The following DLGAP2 variants were observed in gnomAD, a reference collection of about 807,000 sequenced individuals.
The protein encoded by DLGAP2 is DLG associated protein 2.
Under a neutral mutation model 100.3 loss-of-function variants are expected in DLGAP2, and 26 were observed. The ratio of observed to expected loss-of-function variants is 0.26; its 90% confidence interval spans 0.19 to 0.36. DLGAP2 has a LOEUF of 0.36. Ranked by LOEUF, DLGAP2 falls within the 10% of genes least tolerant of loss-of-function variation. DLGAP2 has a pLI of 1.00. For missense variants in DLGAP2, 1,858 were observed against 1,453.2 expected (o/e 1.28, Z -4.53); for synonymous variants, 886 against 630.1 (o/e 1.41, Z -6.08).
At chr8:1,418,908 G>T (rs1344372684) in intron 3 of DLGAP2, among the ~76,000 whole-genome samples, 2 of 152,214 alleles carry the variant, frequency 1.3e-5, no homozygotes, top group African/African-American at 4.8e-5. Context: ...CTCCAGTTCA[G>T]TGATTTGCTT....
intron 2 of DLGAP2, among the ~76,000 whole-genome samples, chr8:1,213,010 GT>G (rs1418013790): frequency 6.6e-6 from 1 of 151,938 alleles, no homozygotes; most frequent in Non-Finnish European, 1.5e-5. Flanking sequence ...AGATTTTCTT[GT>G]TAAATTCTGT....
chr8:1,075,149 G>A (rs999936591), intron 2 of DLGAP2, among the ~76,000 whole-genome samples: 1 of 152,324 alleles, frequency 6.6e-6, no homozygotes. Flanking sequence ...CACCACTTGG[G>A]GCTGAGACAA....
In DLGAP2 at chr8:1,040,316, G is replaced by A. The variant is rs1308501774; in HGVS notation, c.73+132350G>A. Among the ~76,000 whole-genome samples, 203 of 132,588 alleles carry A rather than the reference G, an allele frequency of 1.5e-3. 3 individuals are homozygous for A. The highest frequency in any genetic ancestry group is 5.4e-3 in the Middle Eastern group (1 of 184). 87.0% of individuals were successfully genotyped at this position (132,588 alleles called of 152,430 possible). The stretch of plus-strand genomic sequence containing the variant: ...CGTGGTCAGCTCGGTGTGCATGGTC[G>A]GCTCAGTGTGCGTGGTCAGCTCGGT... On this transcript the variant is annotated intron_variant, in intron 2 of 14. Coordinates refer to ENST00000637795, the MANE Select transcript of DLGAP2 (RefSeq NM_001346810.2).
chr8:893,873 C>T (rs531812796), intron 1 of DLGAP2, among the ~76,000 whole-genome samples: 5 of 152,338 alleles, frequency 3.3e-5, no homozygotes, highest in East Asian at 1.9e-4. Context: ...TGTGACAATG[C>T]GGATGTGGTT....
chr8:754,768 G>C (rs1820881808), intron 1 of DLGAP2, among the ~76,000 whole-genome samples: 1 of 152,210 alleles, frequency 6.6e-6, no homozygotes, highest in African/African-American at 2.4e-5. Flanking sequence ...CTTGAGTCCA[G>C]GAGTCTGAGG....
At chr8:1,132,863 A>G (rs954708734) in intron 2 of DLGAP2, among the ~76,000 whole-genome samples, 3 of 152,230 alleles carry the variant, frequency 2.0e-5, no homozygotes, top group Non-Finnish European at 4.4e-5. Flanking sequence ...AGATCTTCTC[A>G]TTTGCAACTG....
chr8:1,593,249 T>C (rs1175751670), intron 6 of DLGAP2, among the ~76,000 whole-genome samples: 1 of 151,894 alleles, frequency 6.6e-6, no homozygotes, highest in Non-Finnish European at 1.5e-5. Context: ...GGTCAGGAGA[T>C]TGAGACCATC....
chr8:1,487,764 G>C (rs559855328), intron 3 of DLGAP2, among the ~76,000 whole-genome samples: 1 of 152,166 alleles, frequency 6.6e-6, no homozygotes, highest in African/African-American at 2.4e-5. Flanking sequence ...ACACAGCACC[G>C]ATTCTCAGGT....
chr8:1,350,140 A>G (rs997389575), intron 3 of DLGAP2, among the ~76,000 whole-genome samples: 5 of 152,190 alleles, frequency 3.3e-5, no homozygotes, highest in Non-Finnish European at 7.3e-5. Flanking sequence ...AGGAAGAAAT[A>G]AAAACATCCC....
intron 4 of DLGAP2, 117 bp from the exon 5 acceptor site, chr8:1,548,509 C>T (rs906423676): frequency 1.5e-6 from 1 of 689,150 alleles, no homozygotes; most frequent in Non-Finnish European, 2.1e-6. Context: ...CTCTCGAGTG[C>T]CCAGGCCAGA....
chr8:746,146 G>A (rs1014264381), intron 1 of DLGAP2, among the ~76,000 whole-genome samples: 8 of 152,190 alleles, frequency 5.3e-5, no homozygotes, highest in African/African-American at 1.9e-4. Flanking sequence ...TCCCACATGT[G>A]GAGCTTCTCA....
intron 2 of DLGAP2, among the ~76,000 whole-genome samples, chr8:1,223,313 A>G (rs867614553): frequency 2.6e-5 from 4 of 152,140 alleles, no homozygotes; most frequent in African/African-American, 7.2e-5. Context: ...GTGCAGGTCT[A>G]TGCCATGGGC....
At chr8:1,117,860 G>A (rs1390141398) in intron 2 of DLGAP2, among the ~76,000 whole-genome samples, 1 of 152,080 alleles carries the variant, frequency 6.6e-6, no homozygotes, top group Non-Finnish European at 1.5e-5. Context: ...TCACAGTTAG[G>A]CTTTTGAAAG....
At chr8:965,664 C>A in intron 2 of DLGAP2, among the ~76,000 whole-genome samples, 1 of 145,350 alleles carries the variant, frequency 6.9e-6, no homozygotes, top group South Asian at 2.2e-4. Context: ...TGAGTCTGAC[C>A]CCGCACTGCA....
At chr8:1,193,320 C>A (rs1373504627) in intron 2 of DLGAP2, among the ~76,000 whole-genome samples, 1 of 152,208 alleles carries the variant, frequency 6.6e-6, no homozygotes, top group African/African-American at 2.4e-5. Context: ...TTCTCCACAT[C>A]CTCTCCAGCA....
intron 5 of DLGAP2, among the ~76,000 whole-genome samples, chr8:1,552,338 C>T (rs1801798221): frequency 6.6e-6 from 1 of 152,226 alleles, no homozygotes; most frequent in African/African-American, 2.4e-5. Context: ...CCACATCCGC[C>T]TCCCAGTGAA....
At chr8:947,570 C>T (rs1431734171) in intron 2 of DLGAP2, among the ~76,000 whole-genome samples, 3 of 152,166 alleles carry the variant, frequency 2.0e-5, no homozygotes, top group Non-Finnish European at 4.4e-5. Context: ...CCGGGCCCCT[C>T]GGTGTGCCTG....
At chr8:874,935 C>T (rs959672472) in intron 1 of DLGAP2, among the ~76,000 whole-genome samples, 1 of 152,280 alleles carries the variant, frequency 6.6e-6, no homozygotes, top group East Asian at 1.9e-4. Flanking sequence ...TATGCATACA[C>T]ACATGTACAT....
chr8:1,364,161 G>T (rs532217497), intron 3 of DLGAP2, among the ~76,000 whole-genome samples: 1 of 152,200 alleles, frequency 6.6e-6, no homozygotes, highest in Non-Finnish European at 1.5e-5. Context: ...CCTCCCACTG[G>T]ATGACATGTT....
Sources: gnomAD v4.1 joint callset for allele counts (sites outside exome capture counted in the v4.1 genomes callset) on GRCh38, gnomAD v4.1.1 for gene constraint, MANE v1.5 for transcripts, NCBI Gene and HGNC (gene_info 2026-07-23, HGNC 2026-07-21) for gene names.